Variants in FMNL2 observed in about 807,000 individuals in gnomAD.
FMNL2 encodes formin like 2.
Under a neutral mutation model 130.2 loss-of-function variants are expected in FMNL2, and 51 were observed. The ratio of observed to expected loss-of-function variants is 0.39; its 90% CI spans 0.31 to 0.49. The LOEUF (loss-of-function observed/expected upper bound fraction) is 0.49, where lower values mean the gene tolerates loss of function less well. FMNL2 is among the 20% of genes least tolerant of loss of function. The probability of loss-of-function intolerance (pLI) is 0.85; values close to 1 mark genes in which losing one functional copy is unlikely to be tolerated. For synonymous variants in FMNL2, 465 were observed against 467.1 expected (o/e 1.00, Z 0.06); for missense variants, 977 against 1,316.2 (o/e 0.74, Z 3.99).
chr2:152,586,174 T>A (rs979453215), intron 9 of FMNL2, among the ~76,000 whole-genome samples: 17 of 152,188 alleles, frequency 1.1e-4, no homozygotes, highest in African/African-American at 3.9e-4. Flanking sequence ...GTTTGGTTAT[T>A]AAAGGCTCAA....
intron 1 of FMNL2, among the ~76,000 whole-genome samples, chr2:152,504,351 A>T (rs12987041): frequency 1.4e-3 from 212 of 150,448 alleles, no homozygotes; most frequent in Middle Eastern, 0.01. Flanking sequence ...GGTTCAAGAG[A>T]TTCTCCTGTC....
At chr2:152,522,632 G>T (rs1693158871) in intron 2 of FMNL2, among the ~76,000 whole-genome samples, 1 of 152,018 alleles carries the variant, frequency 6.6e-6, no homozygotes, top group Admixed American at 6.6e-5. Flanking sequence ...ATCATAAGGG[G>T]GCGTTTCCCT....
chr2:152,534,063 AAAGTTG>A (rs1378054921), intron 2 of FMNL2, among the ~76,000 whole-genome samples: 19 of 152,324 alleles, frequency 1.2e-4, no homozygotes, highest in African/African-American at 4.3e-4. Flanking sequence ...GCCTTGGATA[AAAGTTG>A]AAGTTGAGTG....
chr2:152,602,800 G>T (rs1408657227), intron 9 of FMNL2, among the ~76,000 whole-genome samples: 1 of 152,154 alleles, frequency 6.6e-6, no homozygotes, highest in Non-Finnish European at 1.5e-5. Flanking sequence ...TCATTCCCAT[G>T]CAGGCCAATG....
chr2:152,516,485 G>A (rs1692776609), intron 1 of FMNL2, among the ~76,000 whole-genome samples: 1 of 152,098 alleles, frequency 6.6e-6, no homozygotes, highest in South Asian at 2.1e-4. Flanking sequence ...CTAAGCAAGT[G>A]GTTATATAGT....
At chr2:152,599,678 A>G (rs1480395690) in intron 9 of FMNL2, among the ~76,000 whole-genome samples, 1 of 152,170 alleles carries the variant, frequency 6.6e-6, no homozygotes, top group Admixed American at 6.5e-5. Flanking sequence ...CATTATGCGA[A>G]TGAAACCTCA....
chr2:152,367,180 A>G (rs1055311884), intron 1 of FMNL2, among the ~76,000 whole-genome samples: 1 of 151,166 alleles, frequency 6.6e-6, no homozygotes, highest in African/African-American at 2.4e-5. Flanking sequence ...GGTTCAAGCA[A>G]TTCTCCTACC....
intron 4 of FMNL2, 85 bp from the exon 5 acceptor site, chr2:152,558,652 GAAA>G: frequency 7.9e-7 from 1 of 1,258,158 alleles, no homozygotes; most frequent in Non-Finnish European, 1.1e-6. Flanking sequence ...GTTTCTGGTG[GAAA>G]AAACAAAACT....
intron 4 of FMNL2, among the ~76,000 whole-genome samples, chr2:152,554,087 A>G (rs1016259321): frequency 6.6e-6 from 1 of 152,182 alleles, no homozygotes. Context: ...GTCTGAAATC[A>G]TATCAGTGAA....
chr2:152,640,057 G>A lies in FMNL2; in HGVS notation c.3045+1G>A, dbSNP rs1224681712. On this transcript the variant is annotated splice_donor_variant, in intron 24 of 25. Transcript: ENST00000288670. LOFTEE classifies it high-confidence loss of function. The stretch of plus-strand genomic sequence containing the variant: ...TCTGATGGAGCAGCAGGATCCAAAG[G>A]TAAGAAGTGCCGCACTCATGAGACA... 6.5e-7 allele frequency: 1 copy of A among 1,549,478 alleles called. No homozygotes were observed. The highest frequency in any genetic ancestry group is 8.7e-7 in the Non-Finnish European group (1 of 1,146,832).
At chr2:152,366,717 G>A (rs567451408) in intron 1 of FMNL2, among the ~76,000 whole-genome samples, 61 of 152,258 alleles carry the variant, frequency 4.0e-4, no homozygotes, top group Non-Finnish European at 6.6e-4. Flanking sequence ...TGAAATCCCC[G>A]TACTTTGGGA....
At chr2:152,461,717 C>G (rs986264177) in intron 1 of FMNL2, among the ~76,000 whole-genome samples, 3 of 152,146 alleles carry the variant, frequency 2.0e-5, no homozygotes, top group African/African-American at 7.2e-5. Flanking sequence ...ACCTTTAATA[C>G]TTAAATAATC....
intron 1 of FMNL2, among the ~76,000 whole-genome samples, chr2:152,402,127 C>T (rs1276453824): frequency 1.3e-5 from 2 of 152,074 alleles, no homozygotes; most frequent in South Asian, 2.1e-4. Context: ...TGGTCTCGAT[C>T]TCCTGACCTC....
intron 13 of FMNL2, among the ~76,000 whole-genome samples, chr2:152,617,875 A>G (rs1468044714): frequency 6.6e-6 from 1 of 152,122 alleles, no homozygotes; most frequent in African/African-American, 2.4e-5. Flanking sequence ...TGCACCTTTT[A>G]TGTGATGGTT....
intron 1 of FMNL2, among the ~76,000 whole-genome samples, chr2:152,404,423 G>A (rs1231856331): frequency 6.6e-6 from 1 of 152,102 alleles, no homozygotes; most frequent in African/African-American, 2.4e-5. Flanking sequence ...AAAAAATAAT[G>A]AAATATATAT....
chr2:152,389,978 A>G, intron 1 of FMNL2: 2 of 1,416,576 alleles, frequency 1.4e-6, no homozygotes, highest in East Asian at 2.3e-5. Context: ...ATAAAGGCAG[A>G]CAGGCAGAGA....
In FMNL2 at chr2:152,646,567, GA is replaced by G. The variant is rs563053747; in HGVS notation, c.3170-1226del. Among the ~76,000 whole-genome samples, 778 of 149,468 alleles carry G rather than the reference GA, an allele frequency of 5.2e-3. 5 individuals carry two copies. Among genetic ancestry groups the G allele is most frequent in the African/African-American group, 0.018 (735 of 40,450 alleles). ...TGTTAATTACCAATTTAAACACCAGGAAACTGTACATGTGCGGGGGGTGGGG... is the reference window on the plus strand; with the variant it reads ...TGTTAATTACCAATTTAAACACCAGGAACTGTACATGTGCGGGGGGTGGGG... On this transcript the variant is annotated intron_variant, in intron 25 of 25. Coordinates refer to ENST00000288670, the MANE Select transcript of FMNL2 (RefSeq NM_052905.4).
chr2:152,470,409 A>C (rs949763391), intron 1 of FMNL2, among the ~76,000 whole-genome samples: 1 of 152,200 alleles, frequency 6.6e-6, no homozygotes. Flanking sequence ...ATTTAGATGA[A>C]AGTATTTGGA....
At chr2:152,359,741 A>G (rs1683052235) in intron 1 of FMNL2, among the ~76,000 whole-genome samples, 1 of 152,080 alleles carries the variant, frequency 6.6e-6, no homozygotes, top group Non-Finnish European at 1.5e-5. Flanking sequence ...AAATTTGTGT[A>G]TTCTGTTTGT....
Sources: allele counts gnomAD v4.1 joint callset (sites outside exome capture counted in the v4.1 genomes callset), GRCh38; gene constraint gnomAD v4.1.1; transcripts MANE v1.5; gene names NCBI Gene and HGNC (gene_info 2026-07-23, HGNC 2026-07-21).